The following AADACL4 variants were observed in gnomAD, a reference collection of about 807,000 sequenced individuals.
AADACL4 encodes arylacetamide deacetylase like 4.
In AADACL4, 9 loss-of-function variants were observed where a neutral mutation model predicts 14.1. The ratio of observed to expected loss-of-function variants is 0.64; its 90% CI spans 0.39 to 1.12. AADACL4 has a LOEUF of 1.12. Ranked by LOEUF, AADACL4 falls within the 50% of genes most tolerant of loss-of-function variation. The probability of loss-of-function intolerance (pLI) is 0.01; values close to 1 mark genes in which losing one functional copy is unlikely to be tolerated. For synonymous variants in AADACL4, 188 were observed against 201.6 expected (o/e 0.93, Z 0.57); for missense variants, 531 against 516.1 (o/e 1.03, Z -0.28).
rs371937100 is a variant in AADACL4, at chr1:12,651,347, G to T, written c.385+8G>T. 7.4e-6 allele frequency: 12 copies of T among 1,613,652 alleles called. No individual in the cohort carries two copies. Among genetic ancestry groups the T allele is most frequent in the Non-Finnish European group, 9.3e-6 (11 of 1,179,900 alleles). ...CAGTATTTGGGAGCCTGGGTAAGGG[G>T]CTTCCCTGTGGCTTTGTAGAGGAAG... On this transcript the variant is annotated splice_region_variant and intron_variant, in intron 2 of 3. Coordinates refer to ENST00000376221, the MANE Select transcript of AADACL4 (RefSeq NM_001013630.2).
intron 2 of AADACL4, among the ~76,000 whole-genome samples, chr1:12,659,640 T>C (rs1647211400): frequency 6.6e-6 from 1 of 152,210 alleles, no homozygotes; most frequent in South Asian, 2.1e-4. Context: ...GAAGCCTGTT[T>C]ATATACATAT....
At chr1:12,646,792 C>T (rs950151217) in intron 1 of AADACL4, among the ~76,000 whole-genome samples, 4 of 152,158 alleles carry the variant, frequency 2.6e-5, no homozygotes, top group Admixed American at 6.5e-5. Flanking sequence ...CAGCTTGTGG[C>T]GTCCTCTCTC....
At position 12,663,499 on chromosome 1, in the gene AADACL4, T is replaced by C. The variant is rs189046229; in HGVS notation, c.449+1645T>C. On this transcript the variant is annotated intron_variant, in intron 3 of 3. Coordinates refer to ENST00000376221, the MANE Select transcript of AADACL4 (RefSeq NM_001013630.2). ...TGAGGGCTCCACCCTCATGACCTGA[T>C]CACTTTCCTAAGGCCCCACTTCCTA... 2.0e-3 allele frequency among the ~76,000 whole-genome samples: 306 copies of C among 152,210 alleles called. 1 individual carries two copies. Among genetic ancestry groups the C allele is most frequent in the African/African-American group, 7.0e-3 (292 of 41,532 alleles).
rs201662529 is a variant in AADACL4 at position 12,666,423 on chromosome 1, C to T, written c.912C>T (p.Pro304=). ...FKNRGYQPWS[P]GPFNEAAYLE... ...ACAGAGGCTACCAACCCTGGTCTCC[C>T]GGCCCTTTTAATGAAGCTGCCTATC... The change falls in exon 4 of 4, where the codon CCC becomes CCT. Residue 304 remains proline (P), a synonymous_variant. Coordinates refer to ENST00000376221, the MANE Select transcript of AADACL4 (RefSeq NM_001013630.2). The T allele has an allele frequency of 2.3e-4, 376 of 1,614,156 alleles. 2 individuals are homozygous for T. The East Asian group carries it at 2.6e-3, about 11-fold the overall frequency.
intron 2 of AADACL4, among the ~76,000 whole-genome samples, chr1:12,652,915 C>T (rs1647158451): frequency 6.6e-6 from 1 of 152,226 alleles, no homozygotes; most frequent in African/African-American, 2.4e-5. Flanking sequence ...CCTTCTGCGG[C>T]TATTTCAACA....
rs1384068234 is a variant in AADACL4, at chr1:12,666,446, A to T, written c.935A>T (p.Tyr312Phe). The change falls in exon 4 of 4, where the codon TAT (tyrosine) becomes TTT (phenylalanine). Residue 312 changes from tyrosine to phenylalanine, a missense_variant. By Grantham distance (22) the Tyr-to-Phe change is conservative. Transcript: ENST00000376221. Reference protein sequence around the residue: ...WSPGPFNEAAYLEAKHMLDVE... With the variant: ...WSPGPFNEAAFLEAKHMLDVE... ...CCCGGCCCTTTTAATGAAGCTGCCTATCTAGAAGCCAAACATATGCTGGAT... is the reference window on the plus strand; with the variant it reads ...CCCGGCCCTTTTAATGAAGCTGCCTTTCTAGAAGCCAAACATATGCTGGAT... 1 of 1,614,200 alleles carries T rather than the reference A, an allele frequency of 6.2e-7. No homozygotes were observed. Among genetic ancestry groups the T allele is most frequent in the East Asian group, 2.2e-5 (1 of 44,886 alleles).
intron 2 of AADACL4, among the ~76,000 whole-genome samples, chr1:12,658,073 CTT>C: frequency 7.1e-6 from 1 of 141,306 alleles, no homozygotes; most frequent in Admixed American, 7.0e-5. Flanking sequence ...TTTTCTCTTT[CTT>C]TCTTTCTTTC....
At chr1:12,665,818 T>G in intron 3 of AADACL4, 143 bp from the exon 4 acceptor site, 1 of 926,908 alleles carries the variant, frequency 1.1e-6, no homozygotes, top group Non-Finnish European at 1.6e-6. Context: ...AGGAAGACAA[T>G]GGGGATAAAA....
intron 2 of AADACL4, among the ~76,000 whole-genome samples, chr1:12,652,857 C>T (rs1048014900): frequency 1.3e-5 from 2 of 152,178 alleles, no homozygotes; most frequent in South Asian, 4.1e-4. Context: ...TGGGTCCAGT[C>T]GGTCTTAGCC....
At position 12,666,769 on chromosome 1, in the gene AADACL4, A is replaced by G. The variant is rs753370930; in HGVS notation, c.*34A>G. On this transcript the variant is annotated 3_prime_UTR_variant, in exon 4 of 4. Transcript: ENST00000376221. ...CTGGGGCCCCGAGGAGGAAGGGGCA[A>G]GTATGGACTCTACCAGAAACCGGGT... 1.3e-6 allele frequency: 2 copies of G among 1,544,872 alleles called. No individual in the cohort carries two copies. The highest frequency in any genetic ancestry group is 8.7e-7 in the Non-Finnish European group (1 of 1,152,394).
intron 1 of AADACL4, among the ~76,000 whole-genome samples, chr1:12,646,480 C>T (rs1647112405): frequency 6.6e-6 from 1 of 152,156 alleles, no homozygotes; most frequent in Non-Finnish European, 1.5e-5. Context: ...GCCACTGACG[C>T]AAGGAGACAG....
intron 2 of AADACL4, among the ~76,000 whole-genome samples, chr1:12,651,542 C>A (rs1049520813): frequency 2.0e-5 from 3 of 152,172 alleles, no homozygotes; most frequent in Non-Finnish European, 4.4e-5. Context: ...CTTTTCTTTT[C>A]TTTAATATGA....
intron 2 of AADACL4, 76 bp from the exon 3 acceptor site, chr1:12,661,715 G>A: frequency 7.0e-7 from 1 of 1,423,062 alleles, no homozygotes; most frequent in Non-Finnish European, 9.9e-7. Flanking sequence ...CTGTCAGCTG[G>A]CTCTTCCTGG....
Position 12,644,115 on chromosome 1 carries a change from G to A in AADACL4, c.-432G>A, listed in dbSNP as rs558481518. Among the ~76,000 whole-genome samples, 21 of 152,186 alleles carry A rather than the reference G, an allele frequency of 1.4e-4. No individual in the cohort carries two copies. Among genetic ancestry groups the A allele is most frequent in the Non-Finnish European group, 2.5e-4 (17 of 68,032 alleles). ...GCTAGCTAGGGAGCTGGGGTGAGAC[G>A]TGCTGTGCTCACCCTAACCACACTC... is the stretch of plus-strand genomic sequence containing the variant. On this transcript the variant is annotated 5_prime_UTR_variant, in exon 1 of 4. In the 5' UTR this introduces an upstream ATG that the reference lacks. Transcript: ENST00000376221.
At chr1:12,648,423 G>C (rs1189031823) in intron 1 of AADACL4, among the ~76,000 whole-genome samples, 1 of 139,806 alleles carries the variant, frequency 7.2e-6, no homozygotes, top group South Asian at 2.2e-4. Context: ...TTGAGATGGA[G>C]TCTCACTCTG....
At chr1:12,648,166 T>C (rs1168838964) in intron 1 of AADACL4, among the ~76,000 whole-genome samples, 6 of 152,008 alleles carry the variant, frequency 3.9e-5, no homozygotes, top group Non-Finnish European at 8.8e-5. Flanking sequence ...GAGATGGGGT[T>C]TCACCATGTT....
intron 3 of AADACL4, among the ~76,000 whole-genome samples, chr1:12,663,166 C>A (rs1019357314): frequency 6.6e-5 from 10 of 152,280 alleles, no homozygotes; most frequent in Admixed American, 3.3e-4. Flanking sequence ...GATGGGACTC[C>A]CTACCCGAAC....
At chr1:12,652,855 G>A (rs565057123) in intron 2 of AADACL4, among the ~76,000 whole-genome samples, 34 of 152,324 alleles carry the variant, frequency 2.2e-4, no homozygotes, top group African/African-American at 7.5e-4. Context: ...GTTGGGTCCA[G>A]TCGGTCTTAG....
intron 3 of AADACL4, among the ~76,000 whole-genome samples, chr1:12,662,807 C>T (rs962257358): frequency 3.9e-5 from 6 of 152,182 alleles, no homozygotes; most frequent in African/African-American, 1.4e-4. Flanking sequence ...ATTGAGGAAG[C>T]CAGCACTTTC....
Sources: gnomAD v4.1 joint callset for allele counts (sites outside exome capture counted in the v4.1 genomes callset) on GRCh38, gnomAD v4.1.1 for gene constraint, MANE v1.5 for transcripts, NCBI Gene and HGNC (gene_info 2026-07-23, HGNC 2026-07-21) for gene names.